PCID2: variants seen among roughly 807,000 people sequenced by gnomAD.
PCID2 encodes PCI domain containing 2.
Under a neutral mutation model 61.3 loss-of-function variants are expected in PCID2, and 41 were observed. The observed-to-expected ratio is 0.67, with a 90% CI of 0.52 to 0.87. The LOEUF is 0.87. Ranked by LOEUF, PCID2 falls within the 40% of genes least tolerant of loss-of-function variation. The probability of loss-of-function intolerance (pLI) is 0.00; values close to 1 mark genes in which losing one functional copy is unlikely to be tolerated. For missense variants in PCID2, 392 were observed against 493.4 expected (o/e 0.79, Z 1.95); for synonymous variants, 187 against 177.8 (o/e 1.05, Z -0.41).
the PCID2 span, among the ~76,000 whole-genome samples, chr13:113,165,798 T>C: frequency 6.6e-6 from 1 of 152,240 alleles, no homozygotes; most frequent in Non-Finnish European, 1.5e-5. Context: ...CCCAAAGTGC[T>C]GGGATTACAG....
chr13:113,180,034 T>C lies in PCID2; in HGVS notation c.869A>G (p.Asn290Ser), dbSNP rs775632945. The change falls in exon 12 of 14, where the codon AAC becomes AGC. Residue 290 changes from asparagine (N) to serine (S), a missense_variant. Coordinates refer to ENST00000337344, the MANE Select transcript of PCID2 (RefSeq NM_001127202.4). ...AEVTRAVSEGNLLLLHEALAK... is the reference protein window; with the variant it reads ...AEVTRAVSEGSLLLLHEALAK... ...CAGCGCCTCGTGCAGCAGCAGCAGG[T>C]TGCCCTCGCTGGTGAGGGGGGAGGC... 11 of 1,613,962 alleles carry C rather than the reference T, an allele frequency of 6.8e-6. No individual in the cohort carries two copies. Among genetic ancestry groups the C allele is most frequent in the African/African-American group, 1.3e-5 (1 of 75,008 alleles).
chr13:113,208,072 T>C (rs992314093), intron 1 of PCID2: 4 of 1,612,784 alleles, frequency 2.5e-6, no homozygotes, highest in Non-Finnish European at 3.4e-6. Context: ...CGATATGAAG[T>C]GTGCATTGTG....
chr13:113,202,097 A>G (rs2039477262), intron 1 of PCID2, among the ~76,000 whole-genome samples: 2 of 152,180 alleles, frequency 1.3e-5, no homozygotes, highest in African/African-American at 4.8e-5. Context: ...CACATTGGTG[A>G]TGGGGTAACT....
chr13:113,172,369 T>G, the PCID2 span: 3 of 490,566 alleles, frequency 6.1e-6, no homozygotes, highest in African/African-American at 1.9e-5. Context: ...AATAAGATAA[T>G]CTGTCAGTCA....
the PCID2 span, chr13:113,172,158 C>A: frequency 6.3e-7 from 1 of 1,596,216 alleles, no homozygotes; most frequent in South Asian, 1.1e-5. Context: ...GGATTCCAAG[C>A]TGGCACTGCC....
At chr13:113,197,494 T>C (rs142913523) in intron 3 of PCID2, among the ~76,000 whole-genome samples, 4 of 152,310 alleles carry the variant, frequency 2.6e-5, no homozygotes, top group East Asian at 1.9e-4. Context: ...GTTGATAACA[T>C]AGTATGACCC....
chr13:113,193,007 T>C (rs1339228216), intron 6 of PCID2, among the ~76,000 whole-genome samples: 2 of 152,092 alleles, frequency 1.3e-5, no homozygotes, highest in African/African-American at 4.8e-5. Context: ...AAACTCAACT[T>C]GATCTGGACC....
At chr13:113,185,691 TATTC>T (rs147352560) in intron 7 of PCID2, 131 bp from the exon 8 acceptor site, 29,565 of 571,970 alleles carry the variant, frequency 0.052, 1,064 homozygotes, top group South Asian at 0.11. Flanking sequence ...CATATCAACT[TATTC>T]ATATCAAGTC....
intron 2 of PCID2, among the ~76,000 whole-genome samples, chr13:113,198,950 C>T (rs1318233605): frequency 2.0e-5 from 3 of 152,214 alleles, no homozygotes; most frequent in African/African-American, 7.2e-5. Context: ...TATGTTAGGA[C>T]TCGTTCTTCT....
At chr13:113,174,671 G>A (rs1328365111), downstream of PCID2, among the ~76,000 whole-genome samples, 1 of 152,138 alleles carries the variant, frequency 6.6e-6, no homozygotes, top group Non-Finnish European at 1.5e-5. Context: ...TTTCTGCAGA[G>A]ATGGATTTTG....
chr13:113,203,294 T>C (rs2039568023), intron 1 of PCID2, among the ~76,000 whole-genome samples: 1 of 152,346 alleles, frequency 6.6e-6, no homozygotes, highest in Admixed American at 6.5e-5. Flanking sequence ...CCCCAGTCCA[T>C]GCAAGGTCAC....
At chr13:113,190,774 AAT>A (rs1454683927) in intron 7 of PCID2, 96 bp downstream of exon 7, 2 of 578,622 alleles carry the variant, frequency 3.5e-6, no homozygotes, top group African/African-American at 1.9e-5. Context: ...GTAGAAATGA[AAT>A]ATGTGTCAAC....
chr13:113,193,381 C>T (rs942174824), intron 6 of PCID2, among the ~76,000 whole-genome samples: 2 of 152,122 alleles, frequency 1.3e-5, no homozygotes, highest in South Asian at 4.1e-4. Flanking sequence ...CCATCTACAA[C>T]TTTGTGATGT....
intron 3 of PCID2, 24 bp from the exon 4 acceptor site, chr13:113,197,267 T>C: frequency 1.3e-6 from 2 of 1,533,746 alleles, no homozygotes; most frequent in East Asian, 4.5e-5. Flanking sequence ...AGAAACATGC[T>C]GTCACACAAT....
Position 113,179,987 on chromosome 13 carries a change from TGAA to T in PCID2, c.913_915del (p.Phe305del). 2 of 1,614,116 alleles carry T rather than the reference TGAA, an allele frequency of 1.2e-6. No individual in the cohort carries two copies. Among genetic ancestry groups the T allele is most frequent in the Non-Finnish European group, 1.7e-6 (2 of 1,180,006 alleles). On this transcript the variant is annotated inframe_deletion, in exon 12 of 14. Coordinates refer to ENST00000337344, the MANE Select transcript of PCID2 (RefSeq NM_001127202.4). This position sits in a 1 kb window ranked among gnomAD's most constrained non-coding sequence, Gnocchi z 4.3. ...AGGATGAGGAAGATTCCGCAGCGAA[TGAA>T]GAAGGCCTCGTGCTTCGCCAGCGCC...
chr13:113,184,140 G>T, intron 9 of PCID2: 1 of 498,720 alleles, frequency 2.0e-6, no homozygotes, highest in Non-Finnish European at 2.6e-6. Flanking sequence ...TGAGACTCCA[G>T]CATGCACTTC....
chr13:113,208,052 A>C lies in PCID2; in HGVS notation c.36+547T>G, dbSNP rs149893777. The C allele has an allele frequency of 1.3e-4, 202 of 1,612,846 alleles. No individual in the cohort carries two copies. In the African/African-American group the frequency reaches 2.4e-3, roughly 19 times the overall value. On this transcript the variant is annotated intron_variant, in intron 1 of 13. Transcript: ENST00000337344. ...CTGTTGAACAACATCTGTCAGACGC[A>C]TGTACCGAGCGATATGAAGTGTGCA...
At chr13:113,200,544 T>C (rs1296034698) in intron 1 of PCID2, 28 bp from the exon 2 acceptor site, 1 of 1,441,988 alleles carries the variant, frequency 6.9e-7, no homozygotes, top group Non-Finnish European at 9.8e-7. Context: ...GAAACCTAAG[T>C]AGAAAATAAA....
intron 6 of PCID2, among the ~76,000 whole-genome samples, chr13:113,193,956 G>C (rs1213857199): frequency 3.3e-5 from 5 of 152,124 alleles, no homozygotes; most frequent in Non-Finnish European, 1.5e-5. Context: ...AATCAGTGTC[G>C]ATTAGATCCC....
Sources: gnomAD v4.1 joint callset for allele counts (sites outside exome capture counted in the v4.1 genomes callset) on GRCh38, gnomAD v4.1.1 for gene constraint, Gnocchi (gnomAD v3.1) non-coding constraint, MANE v1.5 for transcripts, NCBI Gene and HGNC (gene_info 2026-07-23, HGNC 2026-07-21) for gene names.